Variants in CNTN3 observed in about 807,000 individuals in gnomAD.
CNTN3 encodes the protein contactin-3.
In CNTN3, 60 loss-of-function variants were observed where a neutral mutation model predicts 119.1. The ratio of observed to expected loss-of-function variants is 0.50; its 90% confidence interval spans 0.41 to 0.62. CNTN3 has a LOEUF of 0.62. Ranked by LOEUF, CNTN3 falls within the 20% of genes least tolerant of loss-of-function variation. The pLI is 0.00. For missense variants in CNTN3, 1,101 were observed against 1,242.4 expected, an observed-to-expected ratio of 0.89 and a Z score of 1.71; for synonymous variants, 450 against 438.7, an observed-to-expected ratio of 1.03 and a Z score of -0.32.
chr3:74,576,938 C>T (rs561857932), intron 1 of CNTN3, among the ~76,000 whole-genome samples: 56 of 152,210 alleles, frequency 3.7e-4, no homozygotes, highest in Middle Eastern at 3.4e-3. Context: ...CAGTGTCTGT[C>T]GAATCTTAGT....
intron 13 of CNTN3, among the ~76,000 whole-genome samples, chr3:74,331,659 T>C (rs1380407250): frequency 6.6e-6 from 1 of 152,172 alleles, no homozygotes; most frequent in Non-Finnish European, 1.5e-5. Context: ...TGATTGAACT[T>C]TTCTTGGCAA....
At chr3:74,381,137 G>T in intron 5 of CNTN3, among the ~76,000 whole-genome samples, 1 of 141,790 alleles carries the variant, frequency 7.1e-6, no homozygotes, top group African/African-American at 2.6e-5. Context: ...CAGTACTTTT[G>T]TCCATTAGTA....
intron 4 of CNTN3, among the ~76,000 whole-genome samples, chr3:74,453,770 T>G (rs1355678181): frequency 1.3e-5 from 2 of 151,752 alleles, no homozygotes; most frequent in Non-Finnish European, 2.9e-5. Flanking sequence ...CATTTCGTTA[T>G]GTACCCAGTA....
chr3:74,263,231 T>C lies in CNTN3; in HGVS notation c.*1170A>G, dbSNP rs573380142. On this transcript the variant is annotated 3_prime_UTR_variant, in exon 23 of 23. Transcript: ENST00000263665. ...AACCACATATTGAAAGACTGAGTCA[T>C]ACATATCAAAGTCAGCAGCATTGCC... 2.0e-5 allele frequency: 3 copies of C among 152,288 alleles called. No individual in the cohort carries two copies. The highest frequency in any genetic ancestry group is 4.1e-4 in the South Asian group (2 of 4,832). The allele number at this position is 152,288 out of a possible 1,614,324, so 9.4% of individuals were successfully genotyped here. A position where few individuals can be genotyped will look rare whatever the true frequency, so the allele number is the denominator to read the frequency against.
intron 5 of CNTN3, among the ~76,000 whole-genome samples, chr3:74,378,459 G>T (rs1373103845): frequency 6.6e-6 from 1 of 152,102 alleles, no homozygotes; most frequent in Non-Finnish European, 1.5e-5. Context: ...TCTGATTTAG[G>T]ATACTACCAA....
intron 5 of CNTN3, among the ~76,000 whole-genome samples, chr3:74,381,340 T>C (rs1336451041): frequency 1.3e-5 from 2 of 152,106 alleles, no homozygotes; most frequent in African/African-American, 4.8e-5. Context: ...TATAAGTACA[T>C]GATTATGAAA....
intron 13 of CNTN3, among the ~76,000 whole-genome samples, chr3:74,309,751 A>T (rs999708842): frequency 6.6e-6 from 1 of 152,160 alleles, no homozygotes; most frequent in Non-Finnish European, 1.5e-5. Flanking sequence ...ATTTCTCCTA[A>T]CTCTAATAAT....
chr3:74,573,077 C>T (rs1222263411), intron 1 of CNTN3, among the ~76,000 whole-genome samples: 1 of 152,076 alleles, frequency 6.6e-6, no homozygotes, highest in African/African-American at 2.4e-5. Context: ...CACGTGACTC[C>T]CTGCCTAAAT....
intron 1 of CNTN3, among the ~76,000 whole-genome samples, chr3:74,606,435 C>T (rs115685405): frequency 0.018 from 2,710 of 151,406 alleles, 79 homozygotes; most frequent in African/African-American, 0.063. Context: ...TGTGTGTGTC[C>T]GTGTGGGTGT....
At chr3:74,397,642 G>C (rs1705089980) in intron 5 of CNTN3, among the ~76,000 whole-genome samples, 1 of 152,084 alleles carries the variant, frequency 6.6e-6, no homozygotes, top group Non-Finnish European at 1.5e-5. Flanking sequence ...GAATAAATTT[G>C]ATTTTGAAGT....
At chr3:74,320,016 G>C (rs1295215827) in intron 13 of CNTN3, among the ~76,000 whole-genome samples, 2 of 152,094 alleles carry the variant, frequency 1.3e-5, no homozygotes, top group South Asian at 2.1e-4. Flanking sequence ...AGTCAGGAAA[G>C]AACAGGTGCT....
chr3:74,579,513 T>C (rs1704470250), intron 1 of CNTN3, among the ~76,000 whole-genome samples: 1 of 152,112 alleles, frequency 6.6e-6, no homozygotes, highest in African/African-American at 2.4e-5. Context: ...AGACAGATCA[T>C]GTTTTGCTCT....
In CNTN3 at chr3:74,365,698, C is replaced by T. The variant is rs908021579; in HGVS notation, c.951G>A (p.Lys317=). ...VARGRLTYYA[K]PHWVQLIKDV... Reference sequence around the variant, plus strand: ...CCTTTATGAGTTGAACCCAATGGGGCTTTGCTTCAATGAAAGAAAAGGAAA... The same window carrying T: ...CCTTTATGAGTTGAACCCAATGGGGTTTTGCTTCAATGAAAGAAAAGGAAA... The change falls in exon 9 of 23, where the codon AAG becomes AAA. Residue 317 remains lysine (K), a synonymous_variant. Coordinates refer to ENST00000263665, the MANE Select transcript of CNTN3 (RefSeq NM_020872.3). 1.2e-5 allele frequency: 20 copies of T among 1,601,058 alleles called. No homozygotes were observed. The highest frequency in any genetic ancestry group is 1.7e-4 in the Middle Eastern group (1 of 6,000).
At chr3:74,299,799 A>C in intron 17 of CNTN3, 69 bp downstream of exon 17, 2 of 1,302,736 alleles carry the variant, frequency 1.5e-6, no homozygotes, top group Non-Finnish European at 2.2e-6. Context: ...TGGCACCACC[A>C]CCTGGGAAGC....
chr3:74,275,598 G>A (rs908418722), intron 20 of CNTN3, among the ~76,000 whole-genome samples: 13 of 151,534 alleles, frequency 8.6e-5, no homozygotes, highest in African/African-American at 3.1e-4. Flanking sequence ...AAATCGCCAC[G>A]ACAAGAACTG....
In CNTN3 at chr3:74,476,753, T is replaced by G. The variant is rs1461060562; in HGVS notation, c.358+9703A>C. Reference sequence around the variant, plus strand: ...CAGAAACACATGAAAAAGAATCAGATAGAATGTCTCGACATGGAAAATATA... The same window carrying G: ...CAGAAACACATGAAAAAGAATCAGAGAGAATGTCTCGACATGGAAAATATA... On this transcript the variant is annotated intron_variant, in intron 4 of 22. Transcript: ENST00000263665. Among the ~76,000 whole-genome samples, 9 of 152,124 alleles carry G rather than the reference T, an allele frequency of 5.9e-5. No individual in the cohort carries two copies. The East Asian group carries it at 1.6e-3, about 26-fold the overall frequency.
intron 20 of CNTN3, among the ~76,000 whole-genome samples, chr3:74,281,110 T>A (rs1237842551): frequency 6.6e-6 from 1 of 152,128 alleles, no homozygotes; most frequent in Non-Finnish European, 1.5e-5. Context: ...GTGGATTGTA[T>A]AAGGCCTCAT....
chr3:74,266,801 G>T, intron 21 of CNTN3, 152 bp from the exon 22 acceptor site: 2 of 691,282 alleles, frequency 2.9e-6, no homozygotes, highest in South Asian at 3.7e-5. Context: ...TCTTAGATTA[G>T]AGGTTAGCAC....
At chr3:74,315,392 T>C (rs985736178) in intron 13 of CNTN3, among the ~76,000 whole-genome samples, 1 of 152,196 alleles carries the variant, frequency 6.6e-6, no homozygotes, top group Non-Finnish European at 1.5e-5. Flanking sequence ...CTTTACTCTG[T>C]GGACTCACCC....
Sources: allele counts gnomAD v4.1 joint callset (sites outside exome capture counted in the v4.1 genomes callset), GRCh38; gene constraint gnomAD v4.1.1; transcripts MANE v1.5; gene names NCBI Gene and HGNC (gene_info 2026-07-23, HGNC 2026-07-21).